Variants in DNM3 observed in about 807,000 individuals in gnomAD.
The protein encoded by DNM3 is dynamin 3.
In DNM3, 47 loss-of-function variants were observed where a neutral mutation model predicts 101.6. The ratio of observed to expected loss-of-function variants is 0.46; its 90% CI spans 0.37 to 0.59. DNM3 has a LOEUF of 0.59. Ranked by LOEUF, DNM3 falls within the 20% of genes least tolerant of loss-of-function variation. The pLI, the probability that DNM3 is intolerant of heterozygous loss-of-function variation, is 0.00. For missense variants in DNM3, 849 were observed against 1,085.7 expected, an observed-to-expected ratio of 0.78 and a Z score of 3.06; for synonymous variants, 385 against 387.9, an observed-to-expected ratio of 0.99 and a Z score of 0.09.
rs192556897 is a variant in DNM3, at chr1:172,359,911, A to T, written c.1894-19107A>T. Among the ~76,000 whole-genome samples the T allele has an allele frequency of 3.3e-5, 5 of 152,116 alleles. No homozygotes were observed. The East Asian group carries it at 9.7e-4, about 30-fold the overall frequency. The stretch of plus-strand genomic sequence containing the variant: ...CGTTCTGCAAGCTCCACATGACTGG[A>T]TTCCTGTTGCACATAACCTTTGCCC... On this transcript the variant is annotated intron_variant, in intron 17 of 20. Transcript: ENST00000627582.
intron 15 of DNM3, among the ~76,000 whole-genome samples, chr1:172,284,602 T>C (rs2063624817): frequency 1.3e-5 from 2 of 152,150 alleles, no homozygotes. Context: ...AAGAAATGAA[T>C]ACCATAGGAA....
At chr1:172,315,927 A>C (rs1165153618) in intron 16 of DNM3, among the ~76,000 whole-genome samples, 1 of 152,168 alleles carries the variant, frequency 6.6e-6, no homozygotes, top group Non-Finnish European at 1.5e-5. Context: ...ACTCCGAGAC[A>C]CATAATTGTC....
intron 14 of DNM3, among the ~76,000 whole-genome samples, chr1:172,207,252 A>G (rs538668118): frequency 1.3e-5 from 2 of 152,162 alleles, no homozygotes; most frequent in Admixed American, 6.6e-5. Context: ...TGTTATATTG[A>G]CATTGTGACA....
chr1:172,217,814 G>A (rs558905693), intron 14 of DNM3, among the ~76,000 whole-genome samples: 201 of 152,224 alleles, frequency 1.3e-3, no homozygotes, highest in Middle Eastern at 6.8e-3. Context: ...TTGTGGGAGG[G>A]AAATCACAAT....
At chr1:172,131,362 A>G (rs1419997207) in intron 14 of DNM3, 74 bp downstream of exon 14, 3 of 1,335,026 alleles carry the variant, frequency 2.2e-6, no homozygotes, top group Non-Finnish European at 3.1e-6. Context: ...TTATTATACT[A>G]TGCAATTTTG....
At chr1:171,990,390 A>G (rs1313382221) in intron 4 of DNM3, among the ~76,000 whole-genome samples, 1 of 152,120 alleles carries the variant, frequency 6.6e-6, no homozygotes, top group Non-Finnish European at 1.5e-5. Flanking sequence ...CCATTTTGTT[A>G]GGAGACTTCC....
chr1:172,209,561 A>G (rs956618547), intron 14 of DNM3, among the ~76,000 whole-genome samples: 11 of 152,036 alleles, frequency 7.2e-5, no homozygotes, highest in Admixed American at 7.2e-4. Context: ...GGCCAGGGTG[A>G]TTATTGCTAT....
chr1:172,417,252 A>T (rs1397925805), downstream of DNM3, among the ~76,000 whole-genome samples: 3 of 152,150 alleles, frequency 2.0e-5, no homozygotes, highest in South Asian at 6.2e-4. Context: ...GAGTTCATTA[A>T]TGGTTTGGTT....
chr1:172,037,282 A>G (rs2049040934), intron 6 of DNM3, among the ~76,000 whole-genome samples: 1 of 152,196 alleles, frequency 6.6e-6, no homozygotes, highest in South Asian at 2.1e-4. Context: ...CAGCCATCCC[A>G]TTACTGGGTA....
intron 18 of DNM3, among the ~76,000 whole-genome samples, chr1:172,383,822 C>G (rs915929389): frequency 6.6e-6 from 1 of 152,164 alleles, no homozygotes; most frequent in Admixed American, 6.5e-5. Context: ...GCCTGTTTAT[C>G]TAGCCTAGAG....
intron 17 of DNM3, among the ~76,000 whole-genome samples, chr1:172,355,133 G>A (rs944077309): frequency 6.6e-6 from 1 of 152,098 alleles, no homozygotes; most frequent in African/African-American, 2.4e-5. Context: ...GTTGGAAGCA[G>A]TTCTGGGAGC....
intron 17 of DNM3, chr1:172,338,720 C>G (rs2066555295): frequency 2.4e-6 from 1 of 413,538 alleles, no homozygotes; most frequent in Non-Finnish European, 4.9e-6. Context: ...TCACTCTTTT[C>G]TGTATATTTG....
Position 172,408,428 on chromosome 1 carries a change from A to G in DNM3, c.*587A>G. 1 of 985,748 alleles carries G rather than the reference A, an allele frequency of 1.0e-6. No homozygotes were observed. The highest frequency in any genetic ancestry group is 1.2e-6 in the Non-Finnish European group (1 of 830,178). 61.1% of individuals were successfully genotyped at this position (985,748 alleles called of 1,614,324 possible). A position where few individuals can be genotyped will look rare whatever the true frequency, so the allele number is the denominator to read the frequency against. On this transcript the variant is annotated 3_prime_UTR_variant, in exon 21 of 21. Coordinates refer to ENST00000627582, the MANE Select transcript of DNM3 (RefSeq NM_015569.5). ...AAGCACGAGGTAGTTTGCAAAGGAA[A>G]AGTCTGCACTGTTTGCTCTAAAGAG...
intron 13 of DNM3, among the ~76,000 whole-genome samples, chr1:172,110,768 G>T (rs1340327288): frequency 2.0e-5 from 3 of 152,228 alleles, no homozygotes; most frequent in Non-Finnish European, 4.4e-5. Flanking sequence ...GGGTGCAGTT[G>T]CTCATGCCTG....
At chr1:172,015,035 C>CTA (rs3051629) in intron 4 of DNM3, among the ~76,000 whole-genome samples, 47,797 of 151,780 alleles carry the variant, frequency 0.31, 9,716 homozygotes, top group African/African-American at 0.58. Flanking sequence ...TTTGAAAAAA[C>CTA]TCTTTGCTCC....
chr1:172,114,968 G>T (rs1402939854), intron 13 of DNM3, among the ~76,000 whole-genome samples: 1 of 152,116 alleles, frequency 6.6e-6, no homozygotes, highest in Non-Finnish European at 1.5e-5. Flanking sequence ...TTGGCAGGAT[G>T]AAAATATTTG....
intron 10 of DNM3, among the ~76,000 whole-genome samples, chr1:172,054,225 G>T (rs2050409723): frequency 6.6e-6 from 1 of 152,168 alleles, no homozygotes; most frequent in Non-Finnish European, 1.5e-5. Context: ...AAACATATGT[G>T]ATTTATGTGT....
intron 15 of DNM3, among the ~76,000 whole-genome samples, chr1:172,285,865 G>A (rs1479710994): frequency 1.3e-5 from 2 of 151,898 alleles, no homozygotes; most frequent in Admixed American, 6.6e-5. Context: ...CAGCCCCAAC[G>A]CAGTCCCAGG....
At chr1:172,061,767 G>A (rs904334287) in intron 10 of DNM3, among the ~76,000 whole-genome samples, 1 of 151,604 alleles carries the variant, frequency 6.6e-6, no homozygotes, top group African/African-American at 2.4e-5. Flanking sequence ...GTTAGTGGGT[G>A]CAGCGCACCA....
Sources: allele counts gnomAD v4.1 joint callset (sites outside exome capture counted in the v4.1 genomes callset), GRCh38; gene constraint gnomAD v4.1.1; transcripts MANE v1.5; gene names NCBI Gene and HGNC (gene_info 2026-07-23, HGNC 2026-07-21).